KIF13A: variants seen among roughly 807,000 people sequenced by gnomAD.
KIF13A encodes kinesin family member 13A, also known as kinesin-like protein KIF13A.
Under a neutral mutation model 212.2 loss-of-function variants are expected in KIF13A, and 79 were observed. The ratio of observed to expected loss-of-function variants is 0.37; its 90% CI spans 0.31 to 0.45. KIF13A has a LOEUF of 0.45. KIF13A is among the 20% of genes least tolerant of loss of function. The pLI, the probability that KIF13A is intolerant of heterozygous loss-of-function variation, is 1.00. For synonymous variants in KIF13A, 789 were observed against 808.6 expected (o/e 0.98, Z 0.41); for missense variants, 1,901 against 2,209.0 (o/e 0.86, Z 2.79).
intron 2 of KIF13A, chr6:17,950,642 C>G (rs983278241): frequency 2.0e-6 from 2 of 985,118 alleles, no homozygotes; most frequent in Admixed American, 6.2e-5. Context: ...CAATAACTAT[C>G]TCTCAATCTG....
At chr6:17,932,657 T>C (rs570900434) in intron 2 of KIF13A, among the ~76,000 whole-genome samples, 1 of 152,220 alleles carries the variant, frequency 6.6e-6, no homozygotes, top group Non-Finnish European at 1.5e-5. Context: ...TGTATTTGCC[T>C]TCTCCCCACC....
intron 2 of KIF13A, among the ~76,000 whole-genome samples, chr6:17,932,754 G>C (rs565969955): frequency 1.3e-5 from 2 of 151,146 alleles, no homozygotes; most frequent in Non-Finnish European, 2.9e-5. Flanking sequence ...CCTTGACTCA[G>C]ATAGCAGAGA....
In KIF13A at chr6:17,987,472, C is replaced by A. The variant is rs1253082353; in HGVS notation, c.-9G>T. On this transcript the variant is annotated 5_prime_UTR_variant, in exon 1 of 39. Transcript: ENST00000259711. The surrounding 1 kb of genome is among the most constrained non-coding windows in gnomAD (Gnocchi z 7.7). Reference sequence around the variant, plus strand: ...ACCTTGGTATCCGACATGTTGGCTGCGCTCGCCCGGCCGCTCGCCGCGCCC... The same window carrying A: ...ACCTTGGTATCCGACATGTTGGCTGAGCTCGCCCGGCCGCTCGCCGCGCCC... 2 of 1,270,686 alleles carry A rather than the reference C, an allele frequency of 1.6e-6. No homozygotes were observed. The highest frequency in any genetic ancestry group is 1.6e-5 in the African/African-American group (1 of 63,130). 78.7% of individuals were successfully genotyped at this position (1,270,686 alleles called of 1,614,324 possible). A position where few individuals can be genotyped will look rare whatever the true frequency, so the allele number is the denominator to read the frequency against.
intron 2 of KIF13A, among the ~76,000 whole-genome samples, chr6:17,940,999 AT>A (rs1776918477): frequency 6.6e-6 from 1 of 151,528 alleles, no homozygotes. Context: ...CTAATTTTGT[AT>A]TTTTAGTAGA....
chr6:17,766,869 A>G (rs895827297), intron 38 of KIF13A, among the ~76,000 whole-genome samples: 1 of 152,228 alleles, frequency 6.6e-6, no homozygotes, highest in African/African-American at 2.4e-5. Flanking sequence ...ATATACCTCA[A>G]AAAAAGTTTA....
rs567728833 is a variant in KIF13A, at chr6:17,899,137, T to C, written c.147-957A>G. On this transcript the variant is annotated intron_variant, in intron 2 of 38. Coordinates refer to ENST00000259711, the MANE Select transcript of KIF13A (RefSeq NM_022113.6). The surrounding 1 kb of genome is among the most constrained non-coding windows in gnomAD (Gnocchi z 5.2). ...ACCACTGCATTTGGCTAGGAAACAG[T>C]TTTCAAGGCAATAAAATGTCAGTTT... Among the ~76,000 whole-genome samples the C allele has an allele frequency of 9.3e-4, 141 of 152,272 alleles. 2 individuals are homozygous for C. The highest frequency in any genetic ancestry group is 3.2e-3 in the African/African-American group (134 of 41,552).
At chr6:17,874,331 A>G (rs1049945452) in intron 3 of KIF13A, among the ~76,000 whole-genome samples, 1 of 151,598 alleles carries the variant, frequency 6.6e-6, no homozygotes, top group Admixed American at 6.6e-5. Context: ...TTAATATACA[A>G]TTCCTCGAAA....
At chr6:17,921,616 C>T (rs756647007) in intron 2 of KIF13A, among the ~76,000 whole-genome samples, 7 of 152,322 alleles carry the variant, frequency 4.6e-5, no homozygotes, top group South Asian at 2.1e-4. Context: ...CCTTCACTGA[C>T]TCCCTCAGTG....
chr6:17,983,494 CTTTTT>C (rs747300594), intron 2 of KIF13A, among the ~76,000 whole-genome samples: 1 of 127,344 alleles, frequency 7.9e-6, no homozygotes, highest in Non-Finnish European at 1.7e-5. Context: ...GCTGCTGCTG[CTTTTT>C]TTTTTTTTTT....
At chr6:17,917,800 G>C (rs1429020757) in intron 2 of KIF13A, among the ~76,000 whole-genome samples, 1 of 152,020 alleles carries the variant, frequency 6.6e-6, no homozygotes, top group Non-Finnish European at 1.5e-5. Context: ...AATGCACTTG[G>C]GATAAACAAA....
chr6:17,845,220 G>T (rs1766902840), intron 9 of KIF13A, among the ~76,000 whole-genome samples: 1 of 152,122 alleles, frequency 6.6e-6, no homozygotes, highest in African/African-American at 2.4e-5. Context: ...CCGCTCCCAT[G>T]ATTCAATTAA....
chr6:17,868,211 ACTG>A (rs1769608182), intron 4 of KIF13A, among the ~76,000 whole-genome samples: 1 of 152,224 alleles, frequency 6.6e-6, no homozygotes, highest in African/African-American at 2.4e-5. Flanking sequence ...CCACTACCAG[ACTG>A]CTTTTTTTTT....
chr6:17,840,221 T>C (rs897849182), intron 9 of KIF13A, among the ~76,000 whole-genome samples: 3 of 152,122 alleles, frequency 2.0e-5, no homozygotes, highest in African/African-American at 7.2e-5. Flanking sequence ...GTGAATTATA[T>C]TGTATGTGAG....
At chr6:17,802,440 C>T (rs545975926) in intron 20 of KIF13A, among the ~76,000 whole-genome samples, 36 of 151,782 alleles carry the variant, frequency 2.4e-4, no homozygotes, top group Admixed American at 1.7e-3. Context: ...TACAGGCATG[C>T]GCCACCACGC....
intron 4 of KIF13A, among the ~76,000 whole-genome samples, chr6:17,857,180 CTATGATA>C (rs1313751907): frequency 5.9e-5 from 9 of 152,114 alleles, no homozygotes; most frequent in African/African-American, 2.2e-4. Flanking sequence ...TCTTATTATA[CTATGATA>C]TATGATGACT....
At position 17,785,710 on chromosome 6, in the gene KIF13A, A is replaced by T. The variant is rs567289638; in HGVS notation, c.3362-69T>A. 1.1e-5 allele frequency: 17 copies of T among 1,532,092 alleles called. No individual in the cohort carries two copies. Among genetic ancestry groups the T allele is most frequent in the Middle Eastern group, 1.7e-4 (1 of 5,922 alleles). 94.9% of individuals were successfully genotyped at this position (1,532,092 alleles called of 1,614,324 possible). ...TATGACTTCTCAGTTTACAAGGAAT[A>T]GATTTCAGCCTGGGCAACATAGTGA... On this transcript the variant is annotated intron_variant, in intron 27 of 38. Transcript: ENST00000259711. This position sits in a 1 kb window ranked among gnomAD's most constrained non-coding sequence, Gnocchi z 5.8.
intron 2 of KIF13A, among the ~76,000 whole-genome samples, chr6:17,910,670 C>A (rs1326279195): frequency 6.6e-6 from 1 of 152,204 alleles, no homozygotes; most frequent in Non-Finnish European, 1.5e-5. Flanking sequence ...AACTTTATAA[C>A]AGAAGCAATA....
chr6:17,877,496 G>A (rs761546318), intron 3 of KIF13A, among the ~76,000 whole-genome samples: 1 of 152,134 alleles, frequency 6.6e-6, no homozygotes, highest in Non-Finnish European at 1.5e-5. Flanking sequence ...AAGAGATGAT[G>A]ATCTATCTTG....
intron 23 of KIF13A, chr6:17,795,020 T>A (rs143862955): frequency 5.3e-5 from 13 of 246,312 alleles, no homozygotes; most frequent in African/African-American, 2.7e-4. Context: ...ATCCCCACAT[T>A]CCCGTAGCAA....
Sources: allele counts gnomAD v4.1 joint callset (sites outside exome capture counted in the v4.1 genomes callset), GRCh38; gene constraint gnomAD v4.1.1; non-coding constraint Gnocchi (gnomAD v3.1); transcripts MANE v1.5; gene names NCBI Gene and HGNC (gene_info 2026-07-23, HGNC 2026-07-21).